SGCZ: variants seen among roughly 807,000 people sequenced by gnomAD.
SGCZ encodes the protein zeta-sarcoglycan.
In SGCZ, 40 loss-of-function variants were observed where a neutral mutation model predicts 41.3. The ratio of observed to expected loss-of-function variants is 0.97; its 90% CI spans 0.75 to 1.26. SGCZ has a LOEUF of 1.26. Among genes scored for constraint, SGCZ ranks in the 50% most tolerant of loss-of-function variants. The pLI, the probability that SGCZ is intolerant of heterozygous loss-of-function variation, is 0.00. For missense variants in SGCZ, 552 were observed against 369.8 expected (o/e 1.49, Z -4.04); for synonymous variants, 206 against 137.5 (o/e 1.50, Z -3.49).
At position 14,382,229 on chromosome 8, in the gene SGCZ, T is replaced by C. The variant is rs1804394712; in HGVS notation, c.235-58025A>G. ...ATATCATCACCCCCTTGAGCTCTTC[T>C]GTGTAGCTGGAGCAGAAGAGGATTC... is the stretch of plus-strand genomic sequence containing the variant. On this transcript the variant is annotated intron_variant, in intron 2 of 7. Transcript: ENST00000382080. Among the ~76,000 whole-genome samples, 3 of 152,132 alleles carry C rather than the reference T, an allele frequency of 2.0e-5. 1 individual carries two copies. In the South Asian group the frequency reaches 6.2e-4, roughly 31 times the overall value.
At chr8:14,894,737 G>C (rs1035519005) in intron 1 of SGCZ, among the ~76,000 whole-genome samples, 1 of 151,996 alleles carries the variant, frequency 6.6e-6, no homozygotes, top group Admixed American at 6.6e-5. Context: ...AGGTAAAAAT[G>C]TCGGTCTTCT....
At chr8:14,153,752 T>C (rs895432179) in intron 5 of SGCZ, among the ~76,000 whole-genome samples, 12 of 152,098 alleles carry the variant, frequency 7.9e-5, no homozygotes, top group African/African-American at 2.4e-4. Context: ...CATGATATCA[T>C]ATGCTGAAAT....
At chr8:14,724,165 A>G (rs1441939) in intron 1 of SGCZ, among the ~76,000 whole-genome samples, 114,101 of 152,068 alleles carry the variant, frequency 0.75, 42,826 homozygotes, top group Admixed American at 0.79. Context: ...TGTGTGGAGA[A>G]CAAAGGCTTT....
intron 1 of SGCZ, among the ~76,000 whole-genome samples, chr8:14,925,328 T>G (rs1799713610): frequency 1.3e-5 from 2 of 152,234 alleles, no homozygotes; most frequent in South Asian, 4.1e-4. Flanking sequence ...CTTAGTTTAT[T>G]AATATGTTAA....
intron 1 of SGCZ, among the ~76,000 whole-genome samples, chr8:15,005,322 CTTTTTCTTTT>C (rs1802570266): frequency 8.6e-6 from 1 of 116,280 alleles, no homozygotes; most frequent in Non-Finnish European, 1.7e-5. Flanking sequence ...CCGTTTTTTT[CTTTTTCTTTT>C]TTTTTTTTTT....
chr8:14,410,439 A>G, intron 2 of SGCZ, among the ~76,000 whole-genome samples: 1 of 151,884 alleles, frequency 6.6e-6, no homozygotes, highest in South Asian at 2.1e-4. Context: ...CAATGACCCA[A>G]ATGGATCTCC....
intron 3 of SGCZ, among the ~76,000 whole-genome samples, chr8:14,292,486 CA>C (rs1243367822): frequency 1.3e-5 from 2 of 151,968 alleles, no homozygotes; most frequent in African/African-American, 4.8e-5. Context: ...TAGAGATCAA[CA>C]AAGAATTCAA....
chr8:15,043,110 T>G (rs1475039153), intron 1 of SGCZ, among the ~76,000 whole-genome samples: 3 of 152,190 alleles, frequency 2.0e-5, no homozygotes, highest in Non-Finnish European at 4.4e-5. Flanking sequence ...TACAACAGCA[T>G]CCTCAACCAC....
At chr8:14,217,726 T>A (rs1186241984) in intron 4 of SGCZ, among the ~76,000 whole-genome samples, 1 of 149,684 alleles carries the variant, frequency 6.7e-6, no homozygotes, top group Non-Finnish European at 1.5e-5. Flanking sequence ...CACTCCTGCG[T>A]TCAAGCAATT....
chr8:14,205,863 A>G (rs1055815228), intron 4 of SGCZ, among the ~76,000 whole-genome samples: 2 of 152,168 alleles, frequency 1.3e-5, no homozygotes. Context: ...ATTTAGGAAG[A>G]TATTTTCATA....
At chr8:14,609,605 A>C (rs981653624) in intron 1 of SGCZ, among the ~76,000 whole-genome samples, 2 of 152,218 alleles carry the variant, frequency 1.3e-5, no homozygotes, top group Non-Finnish European at 2.9e-5. Context: ...ATGATATTCA[A>C]CACTTTGAAA....
At chr8:14,983,995 C>G (rs776851701) in intron 1 of SGCZ, among the ~76,000 whole-genome samples, 5 of 152,128 alleles carry the variant, frequency 3.3e-5, no homozygotes, top group Admixed American at 6.5e-5. Context: ...CAGTACTTAA[C>G]ATTTATAAAG....
intron 1 of SGCZ, among the ~76,000 whole-genome samples, chr8:15,028,358 T>G (rs1024764236): frequency 6.6e-6 from 1 of 150,960 alleles, no homozygotes; most frequent in African/African-American, 2.5e-5. Context: ...ATCGTCTTTC[T>G]AAGTTGAAGT....
intron 1 of SGCZ, among the ~76,000 whole-genome samples, chr8:15,091,749 A>C (rs1806160071): frequency 6.6e-6 from 1 of 152,080 alleles, no homozygotes; most frequent in Non-Finnish European, 1.5e-5. Flanking sequence ...CTCCTAATTT[A>C]TTTTTAATAT....
At chr8:14,218,739 A>T (rs1451537435) in intron 4 of SGCZ, among the ~76,000 whole-genome samples, 1 of 152,206 alleles carries the variant, frequency 6.6e-6, no homozygotes, top group Non-Finnish European at 1.5e-5. Context: ...TGAGTTCAAA[A>T]TGTGTCGTAA....
intron 2 of SGCZ, among the ~76,000 whole-genome samples, chr8:14,465,633 A>C (rs1231625012): frequency 6.6e-6 from 1 of 150,728 alleles, no homozygotes; most frequent in Non-Finnish European, 1.5e-5. Flanking sequence ...ATTTAAATTC[A>C]TATCTCATTT....
At chr8:14,897,814 G>C (rs1805257882) in intron 1 of SGCZ, among the ~76,000 whole-genome samples, 1 of 152,086 alleles carries the variant, frequency 6.6e-6, no homozygotes, top group African/African-American at 2.4e-5. Flanking sequence ...CATCAACTGT[G>C]AAGTCCCCTC....
chr8:15,226,016 C>G (rs946514877), intron 1 of SGCZ, among the ~76,000 whole-genome samples: 1 of 152,264 alleles, frequency 6.6e-6, no homozygotes, highest in Non-Finnish European at 1.5e-5. Context: ...GCTATGATGA[C>G]TAAGTAACTT....
intron 1 of SGCZ, among the ~76,000 whole-genome samples, chr8:14,691,062 A>G (rs1160078072): frequency 6.6e-6 from 1 of 152,184 alleles, no homozygotes; most frequent in Non-Finnish European, 1.5e-5. Context: ...TACTATATGT[A>G]TCACTTTTTA....
Sources: allele counts gnomAD v4.1 joint callset (sites outside exome capture counted in the v4.1 genomes callset), GRCh38; gene constraint gnomAD v4.1.1; transcripts MANE v1.5; gene names NCBI Gene and HGNC (gene_info 2026-07-23, HGNC 2026-07-21).